CKM: variants seen among roughly 807,000 people sequenced by gnomAD.
CKM encodes the protein creatine kinase, M-type.
Under a neutral mutation model 35.4 loss-of-function variants are expected in CKM, and 28 were observed. The observed-to-expected ratio is 0.79, with a 90% CI of 0.59 to 1.08. The LOEUF (loss-of-function observed/expected upper bound fraction) is 1.08. Among genes scored for constraint, CKM ranks in the 50% least tolerant of loss-of-function variants. The pLI, the probability that CKM is intolerant of heterozygous loss-of-function variation, is 0.00. For synonymous variants in CKM, 215 were observed against 204.4 expected, an observed-to-expected ratio of 1.05 and a Z score of -0.44; for missense variants, 484 against 509.8, an observed-to-expected ratio of 0.95 and a Z score of 0.49.
intron 4 of CKM, among the ~76,000 whole-genome samples, chr19:45,312,135 C>T (rs1971116347): frequency 6.6e-6 from 1 of 152,236 alleles, no homozygotes; most frequent in African/African-American, 2.4e-5. Flanking sequence ...ATGGCCACCC[C>T]ATGTGCTCAA....
intron 6 of CKM, 121 bp from the exon 7 acceptor site, chr19:45,307,771 G>T (rs985340658): frequency 4.0e-6 from 3 of 756,440 alleles, no homozygotes; most frequent in South Asian, 1.6e-5. Flanking sequence ...ATTCTGAGGG[G>T]AACAGGGAGG....
chr19:45,310,898 G>C (rs1971102512), intron 5 of CKM, among the ~76,000 whole-genome samples: 1 of 147,214 alleles, frequency 6.8e-6, no homozygotes, highest in Non-Finnish European at 1.5e-5. Flanking sequence ...AGCCTCCCAA[G>C]TAGCTGGGAC....
Position 45,306,859 on chromosome 19 carries a change from TC to T in CKM, c.1036del (p.Glu346LysfsTer2), listed in dbSNP as rs754363919. 3 of 1,614,196 alleles carry T rather than the reference TC, an allele frequency of 1.9e-6. No individual in the cohort carries two copies. The highest frequency in any genetic ancestry group is 2.5e-6 in the Non-Finnish European group (3 of 1,180,034). ...CACCACCAGCTGCACCTGTTCTACTTCGGACGAGCCCAGCCGATCAGCGTTG... is the reference window on the plus strand; with the variant it reads ...CACCACCAGCTGCACCTGTTCTACTTGGACGAGCCCAGCCGATCAGCGTTG... ...VSNADRLGSS[E>X]VEQVQLVVDG... On this transcript the variant is annotated frameshift_variant, in exon 8 of 8. Coordinates refer to ENST00000221476, the MANE Select transcript of CKM (RefSeq NM_001824.5). LOFTEE classifies it high-confidence loss of function. The surrounding 1 kb of genome is among the most constrained non-coding windows in gnomAD (Gnocchi z 4.5).
chr19:45,307,695 C>T, intron 6 of CKM, 45 bp from the exon 7 acceptor site: 2 of 1,513,996 alleles, frequency 1.3e-6, no homozygotes, highest in South Asian at 2.3e-5. Context: ...GGCAGGCACC[C>T]CCAAATGCAC....
chr19:45,321,924 C>T (rs947217919), intron 1 of CKM, among the ~76,000 whole-genome samples: 6 of 152,024 alleles, frequency 3.9e-5, no homozygotes, highest in African/African-American at 9.7e-5. Context: ...AACAGGGACC[C>T]GCCAAAGACC....
chr19:45,311,509 A>G (rs557769329), intron 5 of CKM, among the ~76,000 whole-genome samples: 2 of 152,284 alleles, frequency 1.3e-5, no homozygotes, highest in African/African-American at 4.8e-5. Flanking sequence ...TACAGGCATG[A>G]GCCACCGTGC....
At chr19:45,321,847 G>A (rs182156346) in intron 1 of CKM, among the ~76,000 whole-genome samples, 2 of 152,052 alleles carry the variant, frequency 1.3e-5, no homozygotes, top group Admixed American at 6.6e-5. Context: ...TGGGAGACGG[G>A]GATGGGAAGC....
At chr19:45,316,630 C>A (rs913603784) in intron 3 of CKM, among the ~76,000 whole-genome samples, 1 of 151,656 alleles carries the variant, frequency 6.6e-6, no homozygotes, top group Non-Finnish European at 1.5e-5. Context: ...CTGCCCATTT[C>A]TGTTTCTCTT....
chr19:45,308,350 A>G, intron 6 of CKM, 59 bp downstream of exon 6: 1 of 1,610,230 alleles, frequency 6.2e-7, no homozygotes, highest in Non-Finnish European at 8.5e-7. Flanking sequence ...GGGGCCTCGG[A>G]AAGCAGGTGG....
At chr19:45,321,907 G>A (rs1268281794) in intron 1 of CKM, among the ~76,000 whole-genome samples, 2 of 152,126 alleles carry the variant, frequency 1.3e-5, no homozygotes, top group Non-Finnish European at 2.9e-5. Context: ...TGAAGCCAGG[G>A]AAGAGGAACA....
chr19:45,314,318 C>G (rs1248769641), intron 4 of CKM, among the ~76,000 whole-genome samples: 2 of 152,096 alleles, frequency 1.3e-5, no homozygotes, highest in Non-Finnish European at 2.9e-5. Context: ...CTCAAATGAT[C>G]ACAACATTTT....
chr19:45,314,204 C>T (rs1365308972), intron 4 of CKM, among the ~76,000 whole-genome samples: 2 of 151,674 alleles, frequency 1.3e-5, no homozygotes, highest in Admixed American at 6.6e-5. Context: ...GAAGGAATTG[C>T]CGCAGCCATC....
Position 45,317,796 on chromosome 19 carries a change from C to T in CKM, c.348+29G>A, listed in dbSNP as rs369357688. 67 of 1,613,316 alleles carry T rather than the reference C, an allele frequency of 4.2e-5. No homozygotes were observed. In the Admixed American group the frequency reaches 5.3e-4, roughly 13 times the overall value. On this transcript the variant is annotated intron_variant, in intron 3 of 7. Transcript: ENST00000221476. Reference sequence around the variant, plus strand: ...TGTGATCTCTCTCCTCCTCACCCCTCGGCCCTCCCCTCCTGCGCAGACACC... The same window carrying T: ...TGTGATCTCTCTCCTCCTCACCCCTTGGCCCTCCCCTCCTGCGCAGACACC...
At position 45,308,325 on chromosome 19, in the gene CKM, T is replaced by G. The variant is rs1864834970; in HGVS notation, c.777+84A>C. The G allele has an allele frequency of 7.1e-6, 11 of 1,541,152 alleles. No individual in the cohort carries two copies. In the Admixed American group the frequency reaches 1.7e-4, roughly 24 times the overall value. On this transcript the variant is annotated intron_variant, in intron 6 of 7. Coordinates refer to ENST00000221476, the MANE Select transcript of CKM (RefSeq NM_001824.5). ...GGAAAATGGGTGGGGCAGGGCTTAGTATAGGGGAAGGGGCGGGGCCTCGGA... is the reference window on the plus strand; with the variant it reads ...GGAAAATGGGTGGGGCAGGGCTTAGGATAGGGGAAGGGGCGGGGCCTCGGA...
Position 45,311,739 on chromosome 19 carries a change from G to A in CKM, c.653+10C>T, listed in dbSNP as rs745444925. 14 of 1,563,258 alleles carry A rather than the reference G, an allele frequency of 9.0e-6. No homozygotes were observed. The East Asian group carries it at 3.3e-4, about 36-fold the overall frequency. ...GGAAGAGGAAGCCAGGGGGCGGGGA[G>A]GGGCCTCACCAGATGCCACGGGCGT... On this transcript the variant is annotated intron_variant, in intron 5 of 7. Transcript: ENST00000221476.
At chr19:45,307,129 A>C (rs1377386540) in intron 7 of CKM, among the ~76,000 whole-genome samples, 1 of 152,158 alleles carries the variant, frequency 6.6e-6, no homozygotes, top group Non-Finnish European at 1.5e-5. Flanking sequence ...CAGTTATCAA[A>C]CATAGTATAG....
intron 4 of CKM, 112 bp downstream of exon 4, chr19:45,315,353 G>C (rs1383322133): frequency 8.2e-7 from 1 of 1,223,740 alleles, no homozygotes. Flanking sequence ...GATTTACCAA[G>C]CTCTTCCCCT....
chr19:45,315,551 C>A lies in CKM; in HGVS notation c.395G>T (p.Arg132Leu), dbSNP rs147574145. Residue 132 changes from arginine to leucine, a missense_variant, in exon 4 of 8, where the codon CGC becomes CTC. By Grantham distance (102) the Arg-to-Leu change is moderately radical. Transcript: ENST00000221476. ...DPNYVLSSRV[R>L]TGRSIKGYTL... The stretch of plus-strand genomic sequence containing the variant: ...GTAGCCCTTGATGCTGCGGCCAGTG[C>A]GGACGCGGCTGCTGAGCACGTAGTT... 6.2e-7 allele frequency: 1 copy of A among 1,603,340 alleles called. No homozygotes were observed. The highest frequency in any genetic ancestry group is 1.3e-5 in the African/African-American group (1 of 75,044).
intron 6 of CKM, 43 bp from the exon 7 acceptor site, chr19:45,307,693 C>A (rs1971067445): frequency 6.5e-7 from 1 of 1,538,280 alleles, no homozygotes; most frequent in African/African-American, 1.4e-5. Context: ...CCGGCAGGCA[C>A]CCCCAAATGC....
Sources: allele counts gnomAD v4.1 joint callset (sites outside exome capture counted in the v4.1 genomes callset), GRCh38; gene constraint gnomAD v4.1.1; non-coding constraint Gnocchi (gnomAD v3.1); transcripts MANE v1.5; gene names NCBI Gene and HGNC (gene_info 2026-07-23, HGNC 2026-07-21).